Variants in UQCC1 observed in about 807,000 individuals in gnomAD.
UQCC1 encodes ubiquinol-cytochrome c reductase complex assembly factor 1.
A neutral mutation model predicts 48.0 loss-of-function variants in UQCC1; 38 were observed. The ratio of observed to expected loss-of-function variants is 0.79; its 90% CI spans 0.61 to 1.04. The LOEUF is 1.04. Among genes scored for constraint, UQCC1 ranks in the 50% least tolerant of loss-of-function variants. The pLI, the probability that UQCC1 is intolerant of heterozygous loss-of-function variation, is 0.00. For synonymous variants in UQCC1, 111 were observed against 129.2 expected (o/e 0.86, Z 0.95); for missense variants, 368 against 381.8 (o/e 0.96, Z 0.30).
In UQCC1 at chr20:35,367,338, C is replaced by T. The variant is rs1019475687; in HGVS notation, c.407-724G>A. Among the ~76,000 whole-genome samples, 3 of 152,090 alleles carry T rather than the reference C, an allele frequency of 2.0e-5. No individual in the cohort carries two copies. In the East Asian group the frequency reaches 5.8e-4, roughly 29 times the overall value. On this transcript the variant is annotated intron_variant, in intron 5 of 9. Transcript: ENST00000374385. Reference sequence around the variant, plus strand: ...TGAATTCTGAAAAGCTAGGCAAACACTCCCTTACTTTTTTCAGTTGGGCTC... The same window carrying T: ...TGAATTCTGAAAAGCTAGGCAAACATTCCCTTACTTTTTTCAGTTGGGCTC...
chr20:35,366,698 C>T, intron 5 of UQCC1, 84 bp from the exon 6 acceptor site: 1 of 1,172,600 alleles, frequency 8.5e-7, no homozygotes, highest in South Asian at 1.3e-5. Flanking sequence ...AGGCACGGCA[C>T]TTATGGTGCT....
intron 6 of UQCC1, among the ~76,000 whole-genome samples, chr20:35,350,453 T>C (rs2061478530): frequency 6.6e-6 from 1 of 152,010 alleles, no homozygotes. Flanking sequence ...TCCTAGCACT[T>C]TGGGAGGCCA....
At position 35,303,569 on chromosome 20, in the gene UQCC1, A is replaced by G; in HGVS notation, c.*366T>C. 1 of 213,212 alleles carries G rather than the reference A, an allele frequency of 4.7e-6. No homozygotes were observed. Among genetic ancestry groups the G allele is most frequent in the Non-Finnish European group, 9.7e-6 (1 of 103,556 alleles). 13.2% of individuals were successfully genotyped at this position (213,212 alleles called of 1,614,324 possible). ...GCATTACAATCTGCTCCTAGGCCACAGCAGGCCCTGGGGGGTTTCCCTTTT... is the reference window on the plus strand; with the variant it reads ...GCATTACAATCTGCTCCTAGGCCACGGCAGGCCCTGGGGGGTTTCCCTTTT... On this transcript the variant is annotated 3_prime_UTR_variant, in exon 10 of 10. Transcript: ENST00000374385.
chr20:35,309,112 G>A, intron 8 of UQCC1: 1 of 456,062 alleles, frequency 2.2e-6, no homozygotes, highest in Non-Finnish European at 4.4e-6. Context: ...GGGGGATGAT[G>A]ACTGACCCAC....
At chr20:35,404,360 A>G (rs1426545120) in intron 1 of UQCC1, among the ~76,000 whole-genome samples, 2 of 121,854 alleles carry the variant, frequency 1.6e-5, no homozygotes, top group Non-Finnish European at 3.3e-5. Flanking sequence ...ACAGAGCGAG[A>G]CTCCGTCTCA....
At chr20:35,321,593 G>A (rs1349163557) in intron 7 of UQCC1, among the ~76,000 whole-genome samples, 1 of 152,110 alleles carries the variant, frequency 6.6e-6, no homozygotes, top group African/African-American at 2.4e-5. Flanking sequence ...GGTGGCTTAC[G>A]TGTATAATCC....
intron 8 of UQCC1, chr20:35,307,108 G>GTAGCAGCAATGCTCCCCCTGCTGTCCA (rs1176390666): frequency 5.6e-5 from 22 of 396,150 alleles, no homozygotes; most frequent in African/African-American, 3.5e-4. Context: ...AAGAGAAACA[G>GTAGCAGCAATGCTCCCCCTGCTGTCCA]TAGCAGCAAT....
intron 6 of UQCC1, among the ~76,000 whole-genome samples, chr20:35,351,807 T>A (rs1399686553): frequency 6.6e-6 from 1 of 152,236 alleles, no homozygotes; most frequent in African/African-American, 2.4e-5. Flanking sequence ...CCCTTACAGA[T>A]AACAGTGGGC....
At chr20:35,376,521 G>A (rs568014800) in intron 4 of UQCC1, among the ~76,000 whole-genome samples, 1 of 152,098 alleles carries the variant, frequency 6.6e-6, no homozygotes, top group Non-Finnish European at 1.5e-5. Flanking sequence ...TTCCTTGAAA[G>A]ATACAAACTA....
rs1225484199 is a variant in UQCC1 at position 35,307,837 on chromosome 20, G to A, written c.652-1058C>T. On this transcript the variant is annotated intron_variant, in intron 8 of 9. Transcript: ENST00000374385. ...TAGGAGCATGCTTTGGCAGACAGCG[G>A]GGATACAGTCAAAACCGTGGGGTCT... is the stretch of plus-strand genomic sequence containing the variant. Among the ~76,000 whole-genome samples the A allele has an allele frequency of 2.6e-5, 4 of 152,190 alleles. 1 individual carries two copies. Among genetic ancestry groups the A allele is most frequent in the South Asian group, 4.1e-4 (2 of 4,828 alleles).
Position 35,306,657 on chromosome 20 carries a change from G to T in UQCC1, c.765+9C>A, listed in dbSNP as rs1049957606. The T allele has an allele frequency of 6.2e-7, 1 of 1,608,054 alleles. No individual in the cohort carries two copies. The highest frequency in any genetic ancestry group is 1.3e-5 in the African/African-American group (1 of 74,816). On this transcript the variant is annotated intron_variant, in intron 9 of 9. Transcript: ENST00000374385. ...CAGGACTTGGGAGGGGAGGGAAAGG[G>T]TCACTCACCTGTTTCCTCACATACT...
chr20:35,373,181 A>T lies in UQCC1; in HGVS notation c.406+1003T>A, dbSNP rs145960168. Among the ~76,000 whole-genome samples, 1,288 of 152,336 alleles carry T rather than the reference A, an allele frequency of 8.5e-3. 24 individuals carry two copies. Among genetic ancestry groups the T allele is most frequent in the African/African-American group, 0.03 (1,228 of 41,574 alleles). On this transcript the variant is annotated intron_variant, in intron 5 of 9. Coordinates refer to ENST00000374385, the MANE Select transcript of UQCC1 (RefSeq NM_018244.5). ...CAAAATTAATACTGTGATAACAATC[A>T]ACTGCTTCTGACAGTCTAAACCAGC...
intron 8 of UQCC1, among the ~76,000 whole-genome samples, chr20:35,312,014 G>A (rs1226952416): frequency 6.6e-6 from 1 of 152,162 alleles, no homozygotes; most frequent in African/African-American, 2.4e-5. Context: ...GAATGGACTG[G>A]ATGGGGGACC....
At chr20:35,320,050 T>G (rs1041738943) in intron 7 of UQCC1, among the ~76,000 whole-genome samples, 5 of 152,182 alleles carry the variant, frequency 3.3e-5, no homozygotes, top group African/African-American at 1.2e-4. Flanking sequence ...CAGTAAAGTA[T>G]GTGCACAGAT....
chr20:35,377,656 A>C (rs1384445684), intron 4 of UQCC1, among the ~76,000 whole-genome samples: 2 of 152,136 alleles, frequency 1.3e-5, no homozygotes, highest in African/African-American at 4.8e-5. Context: ...CTTTAACTAA[A>C]ATTTCTAATC....
intron 6 of UQCC1, among the ~76,000 whole-genome samples, chr20:35,350,638 G>A (rs1028522222): frequency 2.0e-5 from 3 of 152,178 alleles, no homozygotes; most frequent in African/African-American, 4.8e-5. Flanking sequence ...AGAGGTTGCA[G>A]TGCCAAGATC....
chr20:35,316,428 C>A (rs1185906450), intron 7 of UQCC1, among the ~76,000 whole-genome samples: 1 of 152,186 alleles, frequency 6.6e-6, no homozygotes, highest in African/African-American at 2.4e-5. Context: ...AGAGTCCACA[C>A]TCCTTACAGT....
Position 35,303,978 on chromosome 20 carries a change from A to G in UQCC1, c.857T>C (p.Ile286Thr). ...RPLVEKNPQS[I>T]LKPHSPTYND... Reference sequence around the variant, plus strand: ...GTAAGTCGGAGAATGGGGCTTCAGGATGCTCTGAGGATTCTTCTCCACTAG... The same window carrying G: ...GTAAGTCGGAGAATGGGGCTTCAGGGTGCTCTGAGGATTCTTCTCCACTAG... The change falls in exon 10 of 10, where the codon ATC (isoleucine) becomes ACC (threonine). Residue 286 changes from isoleucine to threonine, a missense_variant. By Grantham distance (89) the Ile-to-Thr change is moderately conservative. Transcript: ENST00000374385. 6.2e-7 allele frequency: 1 copy of G among 1,614,150 alleles called. No individual in the cohort carries two copies. The highest frequency in any genetic ancestry group is 8.5e-7 in the Non-Finnish European group (1 of 1,180,026).
At chr20:35,404,952 A>G (rs1184156648) in intron 1 of UQCC1, among the ~76,000 whole-genome samples, 4 of 152,212 alleles carry the variant, frequency 2.6e-5, no homozygotes, top group East Asian at 1.9e-4. Flanking sequence ...AAAAGCCCCA[A>G]TATATTCCTG....
Sources: allele counts gnomAD v4.1 joint callset (sites outside exome capture counted in the v4.1 genomes callset), GRCh38; gene constraint gnomAD v4.1.1; transcripts MANE v1.5; gene names NCBI Gene and HGNC (gene_info 2026-07-23, HGNC 2026-07-21).